NDRG3: variants seen among roughly 807,000 people sequenced by gnomAD.
NDRG3 encodes the protein NDRG family member 3.
In NDRG3, 23 loss-of-function variants were observed where a neutral mutation model predicts 57.2. The ratio of observed to expected loss-of-function variants is 0.40; its 90% CI spans 0.29 to 0.57. NDRG3 has a LOEUF of 0.57. NDRG3 is among the 20% of genes least tolerant of loss of function. The pLI, the probability that NDRG3 is intolerant of heterozygous loss-of-function variation, is 0.42. For missense variants in NDRG3, 384 were observed against 457.3 expected (o/e 0.84, Z 1.46); for synonymous variants, 132 against 162.6 (o/e 0.81, Z 1.43).
intron 9 of NDRG3, among the ~76,000 whole-genome samples, chr20:36,668,352 T>A (rs945834936): frequency 6.6e-6 from 1 of 152,220 alleles, no homozygotes; most frequent in South Asian, 2.1e-4. Context: ...AGATCATTCC[T>A]TATCCGGATA....
chr20:36,672,875 C>T (rs961970188), intron 8 of NDRG3, among the ~76,000 whole-genome samples: 1 of 151,646 alleles, frequency 6.6e-6, no homozygotes, highest in Non-Finnish European at 1.5e-5. Flanking sequence ...AATTAGGACA[C>T]GATTGATTGA....
At chr20:36,700,030 C>G (rs959293948) in intron 3 of NDRG3, among the ~76,000 whole-genome samples, 1 of 149,494 alleles carries the variant, frequency 6.7e-6, no homozygotes, top group Non-Finnish European at 1.5e-5. Flanking sequence ...AGGAGAATTG[C>G]TTGAACCCAG....
At chr20:36,721,876 C>T in intron 1 of NDRG3, 93 bp from the exon 2 acceptor site, 2 of 622,778 alleles carry the variant, frequency 3.2e-6, no homozygotes, top group Non-Finnish European at 5.6e-6. Context: ...AAATATGAGA[C>T]TTACTCTGTG....
In NDRG3 at chr20:36,680,826, G is replaced by C; in HGVS notation, c.521C>G (p.Ala174Gly). 1 of 1,613,800 alleles carries C rather than the reference G, an allele frequency of 6.2e-7. No homozygotes were observed. The highest frequency in any genetic ancestry group is 8.5e-7 in the Non-Finnish European group (1 of 1,179,740). Residue 174 changes from alanine (A) to glycine (G), a missense_variant, in exon 8 of 16, where the codon GCA becomes GGA. Transcript: ENST00000349004. Reference protein sequence around the residue: ...DPCAKGWIDWAASKLSGLTTN... With the variant: ...DPCAKGWIDWGASKLSGLTTN... ...TCATGTGGTACTTACTTTGGAAGCT[G>C]CCCAGTCAATCCAGCCTTTAGCGCA...
Position 36,721,671 on chromosome 20 carries a change from G to A in NDRG3, c.57+8C>T. The A allele has an allele frequency of 6.3e-7, 1 of 1,578,338 alleles. No homozygotes were observed. The highest frequency in any genetic ancestry group is 8.7e-7 in the Non-Finnish European group (1 of 1,151,214). On this transcript the variant is annotated splice_region_variant and intron_variant, in intron 2 of 15. Coordinates refer to ENST00000349004, the MANE Select transcript of NDRG3 (RefSeq NM_032013.4). Reference sequence around the variant, plus strand: ...TCCATATTTTAGTGAAAACAGAAAAGTCTTTACCTTATCATTTAGAAGTGG... The same window carrying A: ...TCCATATTTTAGTGAAAACAGAAAAATCTTTACCTTATCATTTAGAAGTGG...
chr20:36,720,670 C>G (rs548550130), intron 2 of NDRG3, among the ~76,000 whole-genome samples: 2 of 152,114 alleles, frequency 1.3e-5, no homozygotes, highest in Non-Finnish European at 2.9e-5. Flanking sequence ...CTGCAGCCTA[C>G]GCACATCACC....
At chr20:36,674,758 A>C (rs1980507803) in intron 8 of NDRG3, among the ~76,000 whole-genome samples, 1 of 150,810 alleles carries the variant, frequency 6.6e-6, no homozygotes, top group Non-Finnish European at 1.5e-5. Flanking sequence ...CCACCTTTTA[A>C]ATTTTTGTTG....
chr20:36,672,576 C>T (rs1980264267), intron 8 of NDRG3, among the ~76,000 whole-genome samples: 1 of 152,190 alleles, frequency 6.6e-6, no homozygotes. Context: ...TGCCTGTAAT[C>T]CCAGCACTGT....
At chr20:36,735,108 T>C (rs1985535699) in intron 1 of NDRG3, among the ~76,000 whole-genome samples, 1 of 152,178 alleles carries the variant, frequency 6.6e-6, no homozygotes, top group Admixed American at 6.5e-5. Flanking sequence ...CATGGATAGC[T>C]ATCCATCAAC....
At chr20:36,725,600 T>TAAAAAAAAAAAAAAAAAA (rs548128722) in intron 1 of NDRG3, among the ~76,000 whole-genome samples, 4 of 82,428 alleles carry the variant, frequency 4.9e-5, no homozygotes, top group Admixed American at 1.4e-4. Flanking sequence ...AGACTCCGTC[T>TAAAAAAAAAAAAAAAAAA]AAAAAAAAAA....
intron 9 of NDRG3, among the ~76,000 whole-genome samples, chr20:36,671,136 T>C (rs1338741943): frequency 6.6e-6 from 1 of 152,212 alleles, no homozygotes; most frequent in East Asian, 1.9e-4. Flanking sequence ...AGATGCTGTC[T>C]TCTCTCATAG....
chr20:36,692,446 A>G (rs773713512), intron 3 of NDRG3, among the ~76,000 whole-genome samples: 22 of 151,980 alleles, frequency 1.4e-4, no homozygotes, highest in Non-Finnish European at 2.8e-4. Flanking sequence ...CTGGTCTCGA[A>G]CTCCTGACCT....
chr20:36,728,498 A>ATGGG (rs1311744428), intron 1 of NDRG3, among the ~76,000 whole-genome samples: 1 of 152,182 alleles, frequency 6.6e-6, no homozygotes, highest in Non-Finnish European at 1.5e-5. Context: ...AGATGGATGG[A>ATGGG]TGGGTGGATG....
In NDRG3 at chr20:36,680,901, A is replaced by G; in HGVS notation, c.446T>C (p.Leu149Pro). The stretch of plus-strand genomic sequence containing the variant: ...GCCTTCCACAAGCTCTGGATGGTTG[A>G]GCTGAAAGATGAGGCAAAGACAATA... ...AGAYILSRFA[L>P]NHPELVEGLV... Residue 149 changes from leucine (L) to proline (P), a missense_variant and splice_region_variant, in exon 8 of 16, where the codon CTC (leucine) becomes CCC (proline). By Grantham distance (98) the Leu-to-Pro change is moderately conservative. Coordinates refer to ENST00000349004, the MANE Select transcript of NDRG3 (RefSeq NM_032013.4). 6.2e-7 allele frequency: 1 copy of G among 1,613,718 alleles called. No homozygotes were observed. Among genetic ancestry groups the G allele is most frequent in the Non-Finnish European group, 8.5e-7 (1 of 1,179,662 alleles).
chr20:36,672,306 C>T (rs1219174334), intron 8 of NDRG3, among the ~76,000 whole-genome samples: 1 of 152,174 alleles, frequency 6.6e-6, no homozygotes, highest in Admixed American at 6.5e-5. Context: ...AAATTTCCAA[C>T]TCAAATTATG....
Position 36,684,489 on chromosome 20 carries a change from G to C in NDRG3, c.321-14C>G. On this transcript the variant is annotated splice_polypyrimidine_tract_variant and intron_variant, in intron 5 of 15. Transcript: ENST00000349004. ...GGGTACTGATACCTGCAATCCAGAA[G>C]GATATCTCCTGAATTAGAAAGCACT... 1 of 1,610,156 alleles carries C rather than the reference G, an allele frequency of 6.2e-7. No homozygotes were observed. The highest frequency in any genetic ancestry group is 1.1e-5 in the South Asian group (1 of 90,992).
At chr20:36,661,248 T>C (rs1323472701) in intron 12 of NDRG3, among the ~76,000 whole-genome samples, 3 of 152,212 alleles carry the variant, frequency 2.0e-5, no homozygotes, top group Non-Finnish European at 4.4e-5. Flanking sequence ...CATGGAGTCA[T>C]TTAATTAAGA....
At chr20:36,738,822 CAA>C (rs1158908616) in intron 1 of NDRG3, among the ~76,000 whole-genome samples, 26 of 81,752 alleles carry the variant, frequency 3.2e-4, no homozygotes, top group Admixed American at 4.0e-4. Context: ...AAAACTGTCT[CAA>C]AAAAAAAAAA....
At chr20:36,714,637 G>T (rs957591498) in intron 2 of NDRG3, among the ~76,000 whole-genome samples, 4 of 149,534 alleles carry the variant, frequency 2.7e-5, no homozygotes, top group African/African-American at 9.8e-5. Context: ...TTTTTGAGAC[G>T]GAGTCTTGCT....
Sources: allele counts gnomAD v4.1 joint callset (sites outside exome capture counted in the v4.1 genomes callset), GRCh38; gene constraint gnomAD v4.1.1; transcripts MANE v1.5; gene names NCBI Gene and HGNC (gene_info 2026-07-23, HGNC 2026-07-21).